NEK5: variants seen among roughly 807,000 people sequenced by gnomAD.
The protein encoded by NEK5 is serine/threonine-protein kinase Nek5.
Under a neutral mutation model 109.2 loss-of-function variants are expected in NEK5, and 88 were observed. The ratio of observed to expected loss-of-function variants is 0.81; its 90% CI spans 0.68 to 0.96. The LOEUF is 0.96. NEK5 is among the 40% of genes least tolerant of loss of function. The pLI is 0.00. For missense variants in NEK5, 834 were observed against 920.7 expected, an observed-to-expected ratio of 0.91 and a Z score of 1.22; for synonymous variants, 283 against 299.9, an observed-to-expected ratio of 0.94 and a Z score of 0.58.
intron 20 of NEK5, among the ~76,000 whole-genome samples, chr13:52,069,760 T>A (rs1954755636): frequency 6.6e-6 from 1 of 152,188 alleles, no homozygotes; most frequent in Admixed American, 6.5e-5. Flanking sequence ...GCACTTGGAC[T>A]CTTCTCCTGC....
At chr13:52,068,057 G>A (rs553058052) in intron 20 of NEK5, among the ~76,000 whole-genome samples, 5 of 152,028 alleles carry the variant, frequency 3.3e-5, no homozygotes, top group Non-Finnish European at 7.4e-5. Flanking sequence ...CAGCATACTA[G>A]GAGAACAGGG....
At chr13:52,055,148 G>T (rs911185904) in intron 22 of NEK5, among the ~76,000 whole-genome samples, 1 of 152,178 alleles carries the variant, frequency 6.6e-6, no homozygotes, top group Non-Finnish European at 1.5e-5. Context: ...ACTACGTGAA[G>T]AATGCAGAAG....
rs140423467 is a variant in NEK5, at chr13:52,065,042, C to T, written c.1975+442G>A. The T allele has an allele frequency of 2.6e-3, 600 of 233,410 alleles. 3 individuals carry two copies. Among genetic ancestry groups the T allele is most frequent in the African/African-American group, 0.013 (563 of 43,696 alleles). 14.5% of individuals were successfully genotyped at this position (233,410 alleles called of 1,614,324 possible). A position where few individuals can be genotyped will look rare whatever the true frequency, so the allele number is the denominator to read the frequency against. ...CAGAGACCTTTGTTCACTTGTTTATCTGCTGACCTTCCCTCCACTATTGTC... is the reference window on the plus strand; with the variant it reads ...CAGAGACCTTTGTTCACTTGTTTATTTGCTGACCTTCCCTCCACTATTGTC... On this transcript the variant is annotated intron_variant, in intron 21 of 23. Transcript: ENST00000684899.
chr13:52,080,860 T>C (rs1954996363), intron 17 of NEK5, among the ~76,000 whole-genome samples: 2 of 141,386 alleles, frequency 1.4e-5, no homozygotes, highest in Admixed American at 1.5e-4. Context: ...CAAATACCCC[T>C]CTGCGAGAAA....
At chr13:52,040,564 A>T (rs1210205313) in intron 23 of NEK5, among the ~76,000 whole-genome samples, 2 of 152,200 alleles carry the variant, frequency 1.3e-5, no homozygotes, top group Non-Finnish European at 2.9e-5. Context: ...GAATTTAATT[A>T]AATTAAATAA....
At chr13:52,101,621 C>T (rs1227823927) in intron 11 of NEK5, among the ~76,000 whole-genome samples, 1 of 152,150 alleles carries the variant, frequency 6.6e-6, no homozygotes, top group Non-Finnish European at 1.5e-5. Context: ...CCTTCTCCCA[C>T]TCTGTCCCTT....
intron 3 of NEK5, among the ~76,000 whole-genome samples, chr13:52,126,822 G>C (rs1158729583): frequency 6.6e-6 from 1 of 152,016 alleles, no homozygotes; most frequent in Admixed American, 6.5e-5. Context: ...CAGGAACCAA[G>C]GTGGTGTGAT....
rs1044872977 is a variant in NEK5, at chr13:52,067,446, G to C, written c.1850-1837C>G. Among the ~76,000 whole-genome samples, 3 of 152,198 alleles carry C rather than the reference G, an allele frequency of 2.0e-5. 1 individual carries two copies. Among genetic ancestry groups the C allele is most frequent in the South Asian group, 4.1e-4 (2 of 4,824 alleles). On this transcript the variant is annotated intron_variant, in intron 20 of 23. Coordinates refer to ENST00000684899, the MANE Select transcript of NEK5 (RefSeq NM_001365552.1). ...CCTAAAACATGCCCACAGCTGCACA[G>C]ATAAGGGAGCAAAGTCCAACACAGA...
At chr13:52,083,205 T>C in intron 17 of NEK5, 55 bp downstream of exon 17, 1 of 1,226,264 alleles carries the variant, frequency 8.2e-7, no homozygotes, top group African/African-American at 1.5e-5. Flanking sequence ...TAAGAGCCAC[T>C]TGGGGTAGAG....
rs1323063040 is a variant in NEK5 at position 52,063,439 on chromosome 13, G to C, written c.1976-1486C>G. ...GGCTCGCTACAACCTCCACCTCCCA[G>C]CCGCCTGCCTTGGCCTCCCAAAGTG... On this transcript the variant is annotated intron_variant, in intron 21 of 23. Transcript: ENST00000684899. Among the ~76,000 whole-genome samples the C allele has an allele frequency of 1.6e-4, 24 of 152,348 alleles. No homozygotes were observed. The South Asian group carries it at 1.7e-3, about 11-fold the overall frequency.
intron 16 of NEK5, 112 bp from the exon 17 acceptor site, chr13:52,083,464 C>T (rs560842983): frequency 3.1e-6 from 2 of 655,578 alleles, no homozygotes; most frequent in Non-Finnish European, 5.6e-6. Context: ...CTTTTTATAG[C>T]TCCTTTTCCC....
At chr13:52,068,065 G>T (rs1954719537) in intron 20 of NEK5, among the ~76,000 whole-genome samples, 1 of 152,048 alleles carries the variant, frequency 6.6e-6, no homozygotes, top group South Asian at 2.1e-4. Context: ...TAGGAGAACA[G>T]GGTGGAGCTG....
Position 52,126,803 on chromosome 13 carries a change from AAAAG to A in NEK5, c.117+559_117+562del, listed in dbSNP as rs540082319. ...AAAAAAAGAAAAGAAAAGAAAACAA[AAAAG>A]AAACCAGGAACCAAGGTGGTGTGAT... On this transcript the variant is annotated intron_variant, in intron 3 of 23. Coordinates refer to ENST00000684899, the MANE Select transcript of NEK5 (RefSeq NM_001365552.1). 3.9e-3 allele frequency among the ~76,000 whole-genome samples: 598 copies of A among 152,244 alleles called. 3 individuals carry two copies. The highest frequency in any genetic ancestry group is 0.01 in the Middle Eastern group (3 of 294).
At chr13:52,074,148 T>C (rs943888706) in intron 19 of NEK5, among the ~76,000 whole-genome samples, 1 of 151,856 alleles carries the variant, frequency 6.6e-6, no homozygotes, top group African/African-American at 2.4e-5. Context: ...AATTCATATG[T>C]AAACAAAAAA....
chr13:52,071,152 G>A (rs967282436), intron 20 of NEK5, among the ~76,000 whole-genome samples: 1 of 152,192 alleles, frequency 6.6e-6, no homozygotes, highest in Non-Finnish European at 1.5e-5. Context: ...ACTATGCTAA[G>A]GGTGCACCCT....
In NEK5 at chr13:52,108,333, G is replaced by T. The variant is rs1955693073; in HGVS notation, c.539C>A (p.Pro180His). 1.9e-6 allele frequency: 3 copies of T among 1,608,714 alleles called. No individual in the cohort carries two copies. In the Admixed American group the frequency reaches 5.0e-5, roughly 27 times the overall value. The change falls in exon 8 of 24, where the codon CCC becomes CAC. Residue 180 changes from proline to histidine, a missense_variant. By Grantham distance (77) the Pro-to-His change is moderately conservative. Coordinates refer to ENST00000684899, the MANE Select transcript of NEK5 (RefSeq NM_001365552.1). ...YLSPEICQNK[P>H]YNNKTDIWSL... is the part of the protein sequence containing the mutation. Reference sequence around the variant, plus strand: ...AGCAACTTACGTTTTATTGTTGTAGGGTTTATTCTGACAGATCTCTGGGGA... The same window carrying T: ...AGCAACTTACGTTTTATTGTTGTAGTGTTTATTCTGACAGATCTCTGGGGA...
intron 21 of NEK5, chr13:52,065,277 C>T (rs1052840076): frequency 7.3e-6 from 5 of 685,814 alleles, no homozygotes; most frequent in African/African-American, 7.0e-5. Context: ...TTTATATGTG[C>T]ATGTCTAGAG....
At chr13:52,082,325 GATA>G (rs1955031271) in intron 17 of NEK5, 4 of 1,062,714 alleles carry the variant, frequency 3.8e-6, no homozygotes, top group South Asian at 1.4e-5. Context: ...AAAAAAAAAA[GATA>G]ATAATAATTC....
chr13:52,043,427 C>G (rs1954430453), intron 23 of NEK5, among the ~76,000 whole-genome samples: 1 of 151,058 alleles, frequency 6.6e-6, no homozygotes, highest in Admixed American at 6.6e-5. Flanking sequence ...ATCCCAGCTA[C>G]TCGGGAGGCT....
Sources: gnomAD v4.1 joint callset for allele counts (sites outside exome capture counted in the v4.1 genomes callset) on GRCh38, gnomAD v4.1.1 for gene constraint, MANE v1.5 for transcripts, NCBI Gene and HGNC (gene_info 2026-07-23, HGNC 2026-07-21) for gene names.